NAV2: variants seen among roughly 807,000 people sequenced by gnomAD.
The protein encoded by NAV2 is neuron navigator 2.
A neutral mutation model predicts 223.2 loss-of-function variants in NAV2; 54 were observed. That is an observed-to-expected ratio of 0.24 (90% confidence interval 0.19 to 0.30). The LOEUF (loss-of-function observed/expected upper bound fraction) is 0.30, where lower values mean the gene tolerates loss of function less well. NAV2 is among the 10% of genes least tolerant of loss of function. The pLI is 1.00. For synonymous variants in NAV2, 1,279 were observed against 1,239.3 expected (o/e 1.03, Z -0.67); for missense variants, 2,806 against 3,147.5 (o/e 0.89, Z 2.60).
At chr11:19,513,201 G>A (rs1025846545) in intron 1 of NAV2, among the ~76,000 whole-genome samples, 5 of 152,182 alleles carry the variant, frequency 3.3e-5, no homozygotes, top group South Asian at 2.1e-4. Context: ...GGTGTTTCAC[G>A]TTTCTTTATC....
At chr11:19,935,501 T>C (rs1396523671) in intron 7 of NAV2, among the ~76,000 whole-genome samples, 13 of 152,214 alleles carry the variant, frequency 8.5e-5, no homozygotes, top group Non-Finnish European at 1.5e-4. Context: ...CAGCTTGCTA[T>C]GTTTGTATGA....
intron 9 of NAV2, among the ~76,000 whole-genome samples, chr11:19,947,503 G>A (rs773055097): frequency 3.9e-5 from 6 of 152,144 alleles, no homozygotes; most frequent in East Asian, 3.8e-4. Flanking sequence ...TTCCACCATC[G>A]TCACTGACAC....
At chr11:20,098,092 T>C (rs1337162273) in intron 31 of NAV2, among the ~76,000 whole-genome samples, 1 of 152,176 alleles carries the variant, frequency 6.6e-6, no homozygotes, top group Admixed American at 6.5e-5. Context: ...GTTCTACAGA[T>C]GGGAAAACCA....
intron 4 of NAV2, among the ~76,000 whole-genome samples, chr11:19,877,358 A>C (rs1216680650): frequency 1.3e-5 from 2 of 152,120 alleles, no homozygotes; most frequent in Non-Finnish European, 2.9e-5. Context: ...ATCTATCCCC[A>C]TAATTAGCAG....
chr11:19,686,133 C>T (rs2049016999), intron 1 of NAV2, among the ~76,000 whole-genome samples: 1 of 152,164 alleles, frequency 6.6e-6, no homozygotes, highest in South Asian at 2.1e-4. Flanking sequence ...CTCCTCTCTG[C>T]CCCCTTCACT....
intron 4 of NAV2, among the ~76,000 whole-genome samples, chr11:19,874,932 G>A (rs2062746924): frequency 1.3e-5 from 2 of 152,206 alleles, no homozygotes; most frequent in South Asian, 4.1e-4. Context: ...CGAGGTGGGT[G>A]GATCACCTGA....
intron 1 of NAV2, among the ~76,000 whole-genome samples, chr11:19,790,193 A>G (rs2057422119): frequency 6.6e-6 from 1 of 152,196 alleles, no homozygotes; most frequent in African/African-American, 2.4e-5. Flanking sequence ...CAGTAACCTC[A>G]GCCCACATTT....
chr11:19,582,941 G>A (rs1434120734), intron 1 of NAV2, among the ~76,000 whole-genome samples: 1 of 152,310 alleles, frequency 6.6e-6, no homozygotes, highest in South Asian at 2.1e-4. Flanking sequence ...GATGGAGATG[G>A]CATTGAATCT....
At chr11:19,456,518 ACTTT>A (rs1452953911) in intron 1 of NAV2, among the ~76,000 whole-genome samples, 1 of 152,076 alleles carries the variant, frequency 6.6e-6, no homozygotes, top group African/African-American at 2.4e-5. Context: ...CCCAATACCT[ACTTT>A]CTTTCTTGGC....
chr11:19,930,698 A>G (rs1444796609), intron 6 of NAV2, among the ~76,000 whole-genome samples: 1 of 152,260 alleles, frequency 6.6e-6, no homozygotes, highest in Non-Finnish European at 1.5e-5. Flanking sequence ...GAATAGATAC[A>G]TATGAATGAA....
chr11:19,744,764 C>T (rs1448523662), intron 1 of NAV2, among the ~76,000 whole-genome samples: 1 of 152,290 alleles, frequency 6.6e-6, no homozygotes, highest in East Asian at 1.9e-4. Context: ...TTTCACCATC[C>T]TCACCATCCT....
chr11:19,635,580 G>A (rs766159317), intron 1 of NAV2, among the ~76,000 whole-genome samples: 21 of 152,180 alleles, frequency 1.4e-4, no homozygotes, highest in Non-Finnish European at 2.5e-4. Context: ...ATGGCAGAAC[G>A]TGGAAGGGAG....
chr11:19,371,273 G>A (rs1666033207), intron 1 of NAV2, among the ~76,000 whole-genome samples: 1 of 152,110 alleles, frequency 6.6e-6, no homozygotes, highest in African/African-American at 2.4e-5. Context: ...GGGCAATGCC[G>A]TTTGGAGAGA....
At chr11:19,378,555 C>T (rs113031249) in intron 1 of NAV2, among the ~76,000 whole-genome samples, 1,610 of 137,058 alleles carry the variant, frequency 0.012, 29 homozygotes, top group African/African-American at 0.041. Flanking sequence ...GTGATAGGGC[C>T]GGTCGTGATA....
At chr11:19,685,886 A>G (rs2049009590) in intron 1 of NAV2, among the ~76,000 whole-genome samples, 1 of 152,072 alleles carries the variant, frequency 6.6e-6, no homozygotes, top group Non-Finnish European at 1.5e-5. Flanking sequence ...TTGGACTTAG[A>G]CTGACTCTCA....
At chr11:19,718,939 G>A (rs559186775) in intron 1 of NAV2, among the ~76,000 whole-genome samples, 26 of 152,288 alleles carry the variant, frequency 1.7e-4, no homozygotes, top group Non-Finnish European at 3.4e-4. Context: ...GGAGGCTGGA[G>A]GAGTTACGGC....
At chr11:19,777,417 TTC>T (rs1491446441) in intron 1 of NAV2, 12 of 442,114 alleles carry the variant, frequency 2.7e-5, no homozygotes, top group South Asian at 1.4e-4. Flanking sequence ...TTTTTTTTTT[TTC>T]CCCTCCTCCT....
At chr11:20,096,363 A>G (rs969818595) in intron 30 of NAV2, among the ~76,000 whole-genome samples, 4 of 152,216 alleles carry the variant, frequency 2.6e-5, no homozygotes, top group Non-Finnish European at 4.4e-5. Flanking sequence ...ACCTTGAAAC[A>G]CATGGTGATT....
intron 1 of NAV2, among the ~76,000 whole-genome samples, chr11:19,552,991 G>A (rs2044738744): frequency 6.6e-6 from 1 of 152,134 alleles, no homozygotes; most frequent in Non-Finnish European, 1.5e-5. Flanking sequence ...CTTGTCCTCT[G>A]CAATTGCGGA....
Sources: gnomAD v4.1 joint callset for allele counts (sites outside exome capture counted in the v4.1 genomes callset) on GRCh38, gnomAD v4.1.1 for gene constraint, MANE v1.5 for transcripts, NCBI Gene and HGNC (gene_info 2026-07-23, HGNC 2026-07-21) for gene names.